Variants in RBFOX1 observed in about 807,000 individuals in gnomAD.
The protein encoded by RBFOX1 is RNA binding protein fox-1 homolog 1.
A neutral mutation model predicts 57.7 loss-of-function variants in RBFOX1; 8 were observed. That is an observed-to-expected ratio of 0.14 (90% CI 0.08 to 0.25). The LOEUF (loss-of-function observed/expected upper bound fraction) is 0.25. Among genes scored for constraint, RBFOX1 ranks in the 10% least tolerant of loss-of-function variants. The pLI, the probability that RBFOX1 is intolerant of heterozygous loss-of-function variation, is 1.00. For synonymous variants in RBFOX1, 326 were observed against 222.4 expected (o/e 1.47, Z -4.15); for missense variants, 611 against 548.5 (o/e 1.11, Z -1.14).
intron 1 of RBFOX1, among the ~76,000 whole-genome samples, chr16:5,355,696 C>T (rs1012895576): frequency 2.0e-5 from 3 of 152,086 alleles, no homozygotes; most frequent in Non-Finnish European, 4.4e-5. Context: ...GTGAATGTGA[C>T]CTTATTTGGA....
At chr16:7,041,963 T>C (rs1395424793) in intron 3 of RBFOX1, among the ~76,000 whole-genome samples, 2 of 152,200 alleles carry the variant, frequency 1.3e-5, no homozygotes, top group Non-Finnish European at 2.9e-5. Context: ...TTATATAATA[T>C]GGCTAACGTT....
At position 5,550,287 on chromosome 16, in the gene RBFOX1, C is replaced by G. The variant is rs989792832; in HGVS notation, c.259-48615C>G. ...AATCGTGGCACCTGCCTTTGTTTAC[C>G]TACTGTTAGTAAACCAAGTGTCTGT... On this transcript the variant is annotated intron_variant, in intron 2 of 2. Coordinates refer to the RBFOX1 transcript ENST00000585867. 2.0e-5 allele frequency among the ~76,000 whole-genome samples: 3 copies of G among 152,274 alleles called. No homozygotes were observed. The East Asian group carries it at 5.8e-4, about 29-fold the overall frequency.
intron 4 of RBFOX1, among the ~76,000 whole-genome samples, chr16:7,351,379 C>T (rs542188603): frequency 2.2e-4 from 34 of 152,376 alleles, no homozygotes; most frequent in East Asian, 7.7e-4. Context: ...ATCACCACTA[C>T]GTGCAAGGCA....
chr16:5,940,045 A>G (rs17138964), intron 4 of RBFOX1, among the ~76,000 whole-genome samples: 1,616 of 152,350 alleles, frequency 0.011, 25 homozygotes, highest in African/African-American at 0.036. Context: ...TTATACAGTC[A>G]TAGTGAGTGC....
intron 2 of RBFOX1, among the ~76,000 whole-genome samples, chr16:6,627,582 T>C (rs1157953622): frequency 6.6e-6 from 1 of 152,128 alleles, no homozygotes; most frequent in African/African-American, 2.4e-5. Context: ...AGATAAGAAC[T>C]ATGAACGCTA....
At chr16:5,502,251 G>C (rs1309649693) in intron 2 of RBFOX1, among the ~76,000 whole-genome samples, 1 of 152,172 alleles carries the variant, frequency 6.6e-6, no homozygotes, top group Non-Finnish European at 1.5e-5. Context: ...TCTTTAGGAA[G>C]AACGGCAGGG....
At chr16:7,311,478 CT>C (rs1190746565) in intron 4 of RBFOX1, among the ~76,000 whole-genome samples, 23 of 122,518 alleles carry the variant, frequency 1.9e-4, no homozygotes, top group Non-Finnish European at 2.1e-4. Context: ...TGAGCCTTTT[CT>C]TTTTTTTTTT....
intron 2 of RBFOX1, among the ~76,000 whole-genome samples, chr16:6,387,974 A>ATT (rs61603572): frequency 0.34 from 28,806 of 83,574 alleles, 4,218 homozygotes; most frequent in South Asian, 0.57. Context: ...TTTGTGGAAC[A>ATT]TTTTTTTTTT....
At chr16:6,346,679 G>GC (rs2085429564) in intron 2 of RBFOX1, among the ~76,000 whole-genome samples, 2 of 152,140 alleles carry the variant, frequency 1.3e-5, no homozygotes, top group South Asian at 4.1e-4. Flanking sequence ...TTTGTCTATA[G>GC]TTTTTTTATT....
chr16:5,762,566 C>T (rs1295152089), intron 3 of RBFOX1, among the ~76,000 whole-genome samples: 3 of 152,034 alleles, frequency 2.0e-5, no homozygotes, highest in Admixed American at 6.6e-5. Flanking sequence ...AATTTCCCCG[C>T]GGGGAATAAT....
intron 5 of RBFOX1, among the ~76,000 whole-genome samples, chr16:7,521,296 G>A (rs1157036354): frequency 6.6e-6 from 1 of 152,176 alleles, no homozygotes; most frequent in East Asian, 1.9e-4. Flanking sequence ...GAACCGGGAG[G>A]AATTAGCAGG....
intron 2 of RBFOX1, among the ~76,000 whole-genome samples, chr16:6,380,139 A>T (rs1367032604): frequency 6.6e-6 from 1 of 152,060 alleles, no homozygotes; most frequent in Non-Finnish European, 1.5e-5. Context: ...GAGGTTGAAG[A>T]TGGGAGGAAA....
At chr16:7,341,513 C>G (rs1001143731) in intron 4 of RBFOX1, among the ~76,000 whole-genome samples, 2 of 152,248 alleles carry the variant, frequency 1.3e-5, no homozygotes, top group African/African-American at 4.8e-5. Flanking sequence ...TTAAGCACAA[C>G]TGTTTGAAGA....
rs145204069 is a variant in RBFOX1, at chr16:7,008,258, C to G, written c.-15-43799C>G. On this transcript the variant is annotated intron_variant, in intron 3 of 15. Transcript: ENST00000550418. Reference sequence around the variant, plus strand: ...GCTTAAAGTATTAGAAAGTAAAATTCAGGCCAGGTGCGGTGGCTTATACCT... The same window carrying G: ...GCTTAAAGTATTAGAAAGTAAAATTGAGGCCAGGTGCGGTGGCTTATACCT... 2.6e-3 allele frequency among the ~76,000 whole-genome samples: 391 copies of G among 152,174 alleles called. 5 individuals are homozygous for G. The highest frequency in any genetic ancestry group is 8.3e-3 in the African/African-American group (346 of 41,526).
chr16:7,048,891 T>C (rs187373077), intron 3 of RBFOX1, among the ~76,000 whole-genome samples: 1 of 152,334 alleles, frequency 6.6e-6, no homozygotes, highest in African/African-American at 2.4e-5. Context: ...ATCAATCTTG[T>C]TGCATTCAGG....
intron 3 of RBFOX1, among the ~76,000 whole-genome samples, chr16:6,851,964 C>A (rs539551284): frequency 6.7e-6 from 1 of 148,710 alleles, no homozygotes; most frequent in African/African-American, 2.5e-5. Flanking sequence ...GGAGGTTCGT[C>A]GCCCAGGCTG....
chr16:6,510,707 G>A (rs2096238162), intron 2 of RBFOX1, among the ~76,000 whole-genome samples: 1 of 152,088 alleles, frequency 6.6e-6, no homozygotes, highest in African/African-American at 2.4e-5. Context: ...AAAGGTTGGA[G>A]AGGCTCCAAA....
intron 4 of RBFOX1, among the ~76,000 whole-genome samples, chr16:7,507,564 T>A (rs2073756857): frequency 7.3e-6 from 1 of 137,590 alleles, no homozygotes; most frequent in African/African-American, 2.6e-5. Context: ...TTTCTTTCTT[T>A]CTTTTTTTTT....
At chr16:7,205,471 C>A (rs912075437) in intron 4 of RBFOX1, among the ~76,000 whole-genome samples, 2 of 150,156 alleles carry the variant, frequency 1.3e-5, no homozygotes, top group African/African-American at 4.9e-5. Flanking sequence ...TGAGATCATG[C>A]CATTGCACTC....
Sources: gnomAD v4.1 joint callset for allele counts (sites outside exome capture counted in the v4.1 genomes callset) on GRCh38, gnomAD v4.1.1 for gene constraint, MANE v1.5 for transcripts, NCBI Gene and HGNC (gene_info 2026-07-23, HGNC 2026-07-21) for gene names.